The following PDSS2 variants were observed in gnomAD, a reference collection of about 807,000 sequenced individuals.
PDSS2 encodes decaprenyl diphosphate synthase subunit 2.
In PDSS2, 31 loss-of-function variants were observed where a neutral mutation model predicts 44.5. The ratio of observed to expected loss-of-function variants is 0.70; its 90% confidence interval spans 0.52 to 0.94. The LOEUF is 0.94. Among genes scored for constraint, PDSS2 ranks in the 40% least tolerant of loss-of-function variants. The pLI is 0.00. For missense variants in PDSS2, 452 were observed against 482.2 expected, an observed-to-expected ratio of 0.94 and a Z score of 0.59; for synonymous variants, 157 against 180.3, an observed-to-expected ratio of 0.87 and a Z score of 1.03.
chr6:107,450,745 T>C (rs996791599), intron 1 of PDSS2, among the ~76,000 whole-genome samples: 1 of 152,240 alleles, frequency 6.6e-6, no homozygotes, highest in Non-Finnish European at 1.5e-5. Context: ...GGTTTTGGTA[T>C]GGACATAAGT....
chr6:107,458,412 C>CAAA lies in PDSS2; in HGVS notation c.296+575_296+577dup, dbSNP rs60758453. Among the ~76,000 whole-genome samples the CAAA allele has an allele frequency of 1.5e-3, 114 of 78,144 alleles. 12 individuals carry two copies. Among genetic ancestry groups the CAAA allele is most frequent in the Middle Eastern group, 0.031 (2 of 64 alleles). The allele number at this position is 78,144 out of a possible 152,430, so 51.3% of individuals were successfully genotyped here. On this transcript the variant is annotated intron_variant, in intron 1 of 7. Coordinates refer to ENST00000369037, the MANE Select transcript of PDSS2 (RefSeq NM_020381.4). Reference sequence around the variant, plus strand: ...TGGGCGACAAAGCGAGACTCCGTCTCAAAAAAAAAAAAAAAAAAAACTTTT... The same window carrying CAAA: ...TGGGCGACAAAGCGAGACTCCGTCTCAAAAAAAAAAAAAAAAAAAAAAACTTTT...
chr6:107,322,879 C>T (rs1192322118), intron 2 of PDSS2, among the ~76,000 whole-genome samples: 3 of 152,060 alleles, frequency 2.0e-5, no homozygotes, highest in Admixed American at 6.6e-5. Context: ...ATCTTAACAA[C>T]AGAAAAGGGA....
At chr6:107,367,460 A>G (rs184045421) in intron 1 of PDSS2, among the ~76,000 whole-genome samples, 80 of 152,280 alleles carry the variant, frequency 5.3e-4, no homozygotes, top group Non-Finnish European at 8.2e-4. Flanking sequence ...GTTCAACTCA[A>G]TGTTGTACCG....
chr6:107,351,237 T>C (rs1778426783), intron 1 of PDSS2, among the ~76,000 whole-genome samples: 1 of 152,206 alleles, frequency 6.6e-6, no homozygotes, highest in African/African-American at 2.4e-5. Flanking sequence ...ATAACAGATA[T>C]TTGTATGCCC....
At chr6:107,316,218 C>G (rs1777193454) in intron 2 of PDSS2, among the ~76,000 whole-genome samples, 3 of 152,142 alleles carry the variant, frequency 2.0e-5, no homozygotes, top group Non-Finnish European at 4.4e-5. Context: ...TTTACCCCCA[C>G]ATGAATGAGG....
intron 1 of PDSS2, among the ~76,000 whole-genome samples, chr6:107,370,001 G>GAA (rs1025541494): frequency 7.4e-6 from 1 of 134,824 alleles, no homozygotes. Flanking sequence ...GTTTCGCAAA[G>GAA]AAAAAAAAAA....
chr6:107,272,924 CTTTA>C (rs1190161905), intron 3 of PDSS2, among the ~76,000 whole-genome samples: 4 of 151,862 alleles, frequency 2.6e-5, no homozygotes, highest in South Asian at 4.1e-4. Flanking sequence ...TGCTACTGCA[CTTTA>C]TTTATTTTTT....
intron 1 of PDSS2, among the ~76,000 whole-genome samples, chr6:107,443,564 G>C (rs1488169926): frequency 6.6e-6 from 1 of 152,118 alleles, no homozygotes; most frequent in Non-Finnish European, 1.5e-5. Context: ...TTTTCTGTTT[G>C]TTTACAGTGG....
At chr6:107,156,890 A>G (rs1303592823) in intron 7 of PDSS2, among the ~76,000 whole-genome samples, 2 of 152,154 alleles carry the variant, frequency 1.3e-5, no homozygotes, top group Non-Finnish European at 2.9e-5. Context: ...AGAGCTCTCA[A>G]GTTTATCCTC....
At chr6:107,177,248 A>G (rs1337316257) in intron 7 of PDSS2, among the ~76,000 whole-genome samples, 1 of 151,014 alleles carries the variant, frequency 6.6e-6, no homozygotes, top group Admixed American at 6.6e-5. Flanking sequence ...CTTGTGCCTC[A>G]GCCTCCCGAG....
chr6:107,448,725 C>T (rs759526381), intron 1 of PDSS2, among the ~76,000 whole-genome samples: 20 of 152,246 alleles, frequency 1.3e-4, no homozygotes, highest in East Asian at 9.7e-4. Context: ...CCACTCTCTA[C>T]GGTACCAATT....
intron 1 of PDSS2, among the ~76,000 whole-genome samples, chr6:107,402,634 C>T (rs530474508): frequency 6.7e-6 from 1 of 149,008 alleles, no homozygotes; most frequent in South Asian, 2.1e-4. Flanking sequence ...ACAATCATGG[C>T]AGAAAGCAAA....
intron 6 of PDSS2, among the ~76,000 whole-genome samples, chr6:107,204,713 A>C (rs973365321): frequency 6.6e-6 from 1 of 152,160 alleles, no homozygotes; most frequent in African/African-American, 2.4e-5. Context: ...CCAACTGAAC[A>C]TCAATTGTCT....
At chr6:107,181,517 G>A (rs1217272997) in intron 7 of PDSS2, among the ~76,000 whole-genome samples, 7 of 113,520 alleles carry the variant, frequency 6.2e-5, no homozygotes, top group African/African-American at 2.5e-4. Context: ...TTGGTGACAA[G>A]AGTGAATCTC....
intron 7 of PDSS2, among the ~76,000 whole-genome samples, chr6:107,164,456 G>A (rs539882678): frequency 5.3e-5 from 8 of 152,122 alleles, no homozygotes; most frequent in South Asian, 2.1e-4. Flanking sequence ...TGAGAATGAC[G>A]GTTTCCGGTT....
At chr6:107,384,530 A>T (rs1779551315) in intron 1 of PDSS2, among the ~76,000 whole-genome samples, 1 of 151,854 alleles carries the variant, frequency 6.6e-6, no homozygotes, top group Non-Finnish European at 1.5e-5. Context: ...AATCTCAGCT[A>T]CTCAGGAGGC....
intron 1 of PDSS2, among the ~76,000 whole-genome samples, chr6:107,420,667 C>T (rs1428390764): frequency 1.3e-5 from 2 of 152,214 alleles, no homozygotes; most frequent in Admixed American, 6.5e-5. Context: ...AAAACGCACA[C>T]CGCATACAAA....
At chr6:107,254,842 T>A (rs997441781) in intron 3 of PDSS2, among the ~76,000 whole-genome samples, 1 of 151,946 alleles carries the variant, frequency 6.6e-6, no homozygotes, top group East Asian at 1.9e-4. Flanking sequence ...TGACACAGTA[T>A]AAATACATGT....
At chr6:107,173,592 A>AAAAC (rs1771683386) in intron 7 of PDSS2, among the ~76,000 whole-genome samples, 3 of 150,324 alleles carry the variant, frequency 2.0e-5, no homozygotes, top group African/African-American at 7.4e-5. Flanking sequence ...AAAAAAAAAA[A>AAAAC]AAAAACGCTT....
Sources: gnomAD v4.1 joint callset for allele counts (sites outside exome capture counted in the v4.1 genomes callset) on GRCh38, gnomAD v4.1.1 for gene constraint, MANE v1.5 for transcripts, NCBI Gene and HGNC (gene_info 2026-07-23, HGNC 2026-07-21) for gene names.